C10orf67: variants seen among roughly 807,000 people sequenced by gnomAD.
C10orf67 encodes chromosome 10 open reading frame 67.
A neutral mutation model predicts 35.6 loss-of-function variants in C10orf67; 60 were observed. The observed-to-expected ratio is 1.68, with a 90% confidence interval of 1.37 to 2.09. C10orf67 has a LOEUF of 2.09. Ranked by LOEUF, C10orf67 falls within the 30% of genes most tolerant of loss-of-function variation. The pLI, the probability that C10orf67 is intolerant of heterozygous loss-of-function variation, is 0.00. For synonymous variants in C10orf67, 167 were observed against 115.8 expected, an observed-to-expected ratio of 1.44 and a Z score of -2.84; for missense variants, 474 against 330.2, an observed-to-expected ratio of 1.44 and a Z score of -3.38.
chr10:23,332,274 A>G (rs1368940201), intron 2 of C10orf67, among the ~76,000 whole-genome samples: 1 of 152,220 alleles, frequency 6.6e-6, no homozygotes, highest in Non-Finnish European at 1.5e-5. Context: ...AAACAAAATC[A>G]AGGTAGACAA....
At chr10:23,238,760 T>G (rs1286504424) in intron 13 of C10orf67, among the ~76,000 whole-genome samples, 2 of 152,054 alleles carry the variant, frequency 1.3e-5, no homozygotes, top group African/African-American at 2.4e-5. Flanking sequence ...CAGGGTGAGA[T>G]GAGGAAAAAC....
At chr10:23,326,072 A>C (rs1031581383) in intron 2 of C10orf67, among the ~76,000 whole-genome samples, 1 of 152,162 alleles carries the variant, frequency 6.6e-6, no homozygotes, top group Non-Finnish European at 1.5e-5. Context: ...GAGAAGTCTA[A>C]CATACAAGTA....
At chr10:23,233,721 G>A (rs1395259595) in intron 13 of C10orf67, among the ~76,000 whole-genome samples, 1 of 152,154 alleles carries the variant, frequency 6.6e-6, no homozygotes, top group South Asian at 2.1e-4. Flanking sequence ...GGGCTGAGAC[G>A]AAGTTCAGGG....
chr10:23,224,540 C>T (rs576309883), intron 13 of C10orf67, among the ~76,000 whole-genome samples: 2 of 152,254 alleles, frequency 1.3e-5, no homozygotes, highest in East Asian at 1.9e-4. Flanking sequence ...ATGACTTTGA[C>T]GAGTTGAGAG....
At chr10:23,214,564 A>T (rs1223462661) in intron 15 of C10orf67, among the ~76,000 whole-genome samples, 1 of 152,208 alleles carries the variant, frequency 6.6e-6, no homozygotes, top group Non-Finnish European at 1.5e-5. Context: ...AAAAACAGAA[A>T]TATCTTTTAA....
chr10:23,328,812 C>T (rs774143133), intron 2 of C10orf67, among the ~76,000 whole-genome samples: 2 of 150,252 alleles, frequency 1.3e-5, no homozygotes, highest in Non-Finnish European at 3.0e-5. Flanking sequence ...AGTGAAACCC[C>T]ATCTCTACAA....
At chr10:23,239,955 A>T (rs1246193984) in intron 12 of C10orf67, 139 bp from the exon 13 acceptor site, 5 of 441,948 alleles carry the variant, frequency 1.1e-5, no homozygotes, top group Non-Finnish European at 2.1e-5. Flanking sequence ...ATTAGCATGA[A>T]CATACTACCT....
rs1246915452 is a variant in C10orf67 at position 23,324,227 on chromosome 10, T to A, written c.328-1690A>T. ...TTCCCTTGGGCACTGATGTAGATTCTCTAGAGATTCTGATTGCTGGGACCC... is the reference window on the plus strand; with the variant it reads ...TTCCCTTGGGCACTGATGTAGATTCACTAGAGATTCTGATTGCTGGGACCC... On this transcript the variant is annotated intron_variant, in intron 2 of 15. Transcript: ENST00000636213. Among the ~76,000 whole-genome samples, 5 of 151,746 alleles carry A rather than the reference T, an allele frequency of 3.3e-5. No individual in the cohort carries two copies. The East Asian group carries it at 9.7e-4, about 30-fold the overall frequency.
At position 23,248,466 on chromosome 10, in the gene C10orf67, G is replaced by A. The variant is rs1464690076; in HGVS notation, c.1346+1989C>T. On this transcript the variant is annotated intron_variant, in intron 12 of 15. Coordinates refer to ENST00000636213, the MANE Select transcript of C10orf67 (RefSeq NM_001371909.1). ...TCGGCAGAGATGGAAAAGGAGCTTG[G>A]AAATGAAGCCCTGAATTGGACTGGG... is the stretch of plus-strand genomic sequence containing the variant. Among the ~76,000 whole-genome samples, 4 of 152,174 alleles carry A rather than the reference G, an allele frequency of 2.6e-5. No individual in the cohort carries two copies. In the East Asian group the frequency reaches 7.7e-4, roughly 29 times the overall value.
intron 4 of C10orf67, among the ~76,000 whole-genome samples, chr10:23,306,530 G>GAAAAAA (rs61468201): frequency 3.6e-5 from 2 of 56,306 alleles, no homozygotes; most frequent in African/African-American, 6.0e-5. Flanking sequence ...CTCCATCTCA[G>GAAAAAA]AAAAAAAAAA....
chr10:23,343,821 A>G, intron 1 of C10orf67: 1 of 403,310 alleles, frequency 2.5e-6, no homozygotes, highest in Non-Finnish European at 5.1e-6. Context: ...CGGCTGGAGC[A>G]AGGGGCCTGG....
chr10:23,295,665 C>T (rs936979699), intron 5 of C10orf67, among the ~76,000 whole-genome samples: 5 of 152,166 alleles, frequency 3.3e-5, no homozygotes, highest in East Asian at 1.9e-4. Context: ...CACATCTACA[C>T]TGGATGTCTT....
chr10:23,225,748 C>T (rs899813776), intron 13 of C10orf67, among the ~76,000 whole-genome samples: 1 of 152,072 alleles, frequency 6.6e-6, no homozygotes, highest in African/African-American at 2.4e-5. Flanking sequence ...GACTTTAAAC[C>T]AACAAAGTTC....
At chr10:23,326,205 A>G (rs904557301) in intron 2 of C10orf67, among the ~76,000 whole-genome samples, 1 of 152,278 alleles carries the variant, frequency 6.6e-6, no homozygotes, top group Admixed American at 6.5e-5. Flanking sequence ...TCCAAGCAGG[A>G]TAAATGCATC....
chr10:23,290,740 A>G (rs1355178859), intron 6 of C10orf67, among the ~76,000 whole-genome samples: 1 of 152,262 alleles, frequency 6.6e-6, no homozygotes, highest in Non-Finnish European at 1.5e-5. Flanking sequence ...TTCCCTACAA[A>G]GCATATCCCT....
chr10:23,256,613 G>A (rs1358461101), intron 10 of C10orf67, among the ~76,000 whole-genome samples: 2 of 151,772 alleles, frequency 1.3e-5, no homozygotes, highest in South Asian at 2.1e-4. Context: ...AAGATCAAAT[G>A]TTGGTGAGCG....
intron 13 of C10orf67, among the ~76,000 whole-genome samples, chr10:23,224,280 A>G (rs1463401899): frequency 6.6e-6 from 1 of 152,142 alleles, no homozygotes; most frequent in African/African-American, 2.4e-5. Context: ...TCTGAAGTAG[A>G]CCTCTAGCAA....
At chr10:23,303,754 T>C (rs1844175873) in intron 4 of C10orf67, among the ~76,000 whole-genome samples, 1 of 152,188 alleles carries the variant, frequency 6.6e-6, no homozygotes, top group Non-Finnish European at 1.5e-5. Flanking sequence ...TAAACTACAA[T>C]AGTAAAGAGC....
chr10:23,291,212 A>C lies in C10orf67; in HGVS notation c.770T>G (p.Val257Gly). 1.4e-6 allele frequency: 1 copy of C among 717,024 alleles called. No individual in the cohort carries two copies. The highest frequency in any genetic ancestry group is 2.6e-6 in the Non-Finnish European group (1 of 384,998). 44.4% of individuals were successfully genotyped at this position (717,024 alleles called of 1,614,324 possible). Reference protein sequence around the residue: ...NLEKENLEYKVENERLLQIIS... With the variant: ...NLEKENLEYKGENERLLQIIS... ...GATCTGAAGCAGCCTCTCATTTTCCACTTTGTACTCCAAATTTTCCTTTTC... is the reference window on the plus strand; with the variant it reads ...GATCTGAAGCAGCCTCTCATTTTCCCCTTTGTACTCCAAATTTTCCTTTTC... The change falls in exon 6 of 16, where the codon GTG becomes GGG. Residue 257 changes from valine (V) to glycine (G), a missense_variant. Val to Gly is a moderately radical substitution (Grantham distance 109). Transcript: ENST00000636213.
Sources: allele counts gnomAD v4.1 joint callset (sites outside exome capture counted in the v4.1 genomes callset), GRCh38; gene constraint gnomAD v4.1.1; transcripts MANE v1.5; gene names NCBI Gene and HGNC (gene_info 2026-07-23, HGNC 2026-07-21).